Variants in NMI observed in about 807,000 individuals in gnomAD.
NMI encodes N-myc-interactor.
A neutral mutation model predicts 34.3 loss-of-function variants in NMI; 39 were observed. That is an observed-to-expected ratio of 1.14 (90% CI 0.88 to 1.49). The LOEUF (loss-of-function observed/expected upper bound fraction) is 1.49, where lower values mean the gene tolerates loss of function less well. NMI is among the 40% of genes most tolerant of loss of function. The pLI is 0.00. For synonymous variants in NMI, 113 were observed against 120.3 expected (o/e 0.94, Z 0.40); for missense variants, 339 against 358.1 (o/e 0.95, Z 0.43).
chr2:151,285,004 T>C (rs1683469843), intron 1 of NMI, among the ~76,000 whole-genome samples: 1 of 152,214 alleles, frequency 6.6e-6, no homozygotes, highest in African/African-American at 2.4e-5. Context: ...AAACCAGGGC[T>C]CATTGGAGCA....
rs41268703 is a variant in NMI at position 151,270,655 on chromosome 2, C to T, written c.*38G>A. 58,899 of 1,481,664 alleles carry T rather than the reference C, an allele frequency of 0.04. 1,374 individuals carry two copies. Among genetic ancestry groups the T allele is most frequent in the Non-Finnish European group, 0.044 (48,160 of 1,088,678 alleles). The allele number at this position is 1,481,664 out of a possible 1,614,324, so 91.8% of individuals were successfully genotyped here. On this transcript the variant is annotated 3_prime_UTR_variant, in exon 8 of 8. Transcript: ENST00000243346. ...TTTTTGTCAAACATTTACAGTAATC[C>T]GGGTTAAAAAGCTATAGTTTTCATG...
chr2:151,288,711 G>C (rs182691652), intron 1 of NMI, among the ~76,000 whole-genome samples: 1 of 152,120 alleles, frequency 6.6e-6, no homozygotes. Context: ...ATATAACTGC[G>C]GTGCCAGGCC....
chr2:151,285,356 GAGAT>G (rs71403153), intron 1 of NMI, among the ~76,000 whole-genome samples: 65,250 of 147,256 alleles, frequency 0.44, 14,590 homozygotes, highest in Non-Finnish European at 0.47. Context: ...ATTGATGATT[GAGAT>G]AGATAGATAG....
intron 4 of NMI, among the ~76,000 whole-genome samples, chr2:151,276,510 C>T (rs577929286): frequency 6.6e-6 from 1 of 152,288 alleles, no homozygotes; most frequent in Non-Finnish European, 1.5e-5. Flanking sequence ...TACTTCAGCT[C>T]AGCCACATAC....
chr2:151,285,922 G>A lies in NMI; in HGVS notation c.-6-2968C>T, dbSNP rs144462604. Among the ~76,000 whole-genome samples the A allele has an allele frequency of 9.9e-5, 15 of 152,182 alleles. 1 individual carries two copies. The East Asian group carries it at 2.9e-3, about 29-fold the overall frequency. Reference sequence around the variant, plus strand: ...AATCCACCTTGAGATGGTTTTCGGTGGCCAAATCTGGGGATAAATTAAAGA... The same window carrying A: ...AATCCACCTTGAGATGGTTTTCGGTAGCCAAATCTGGGGATAAATTAAAGA... On this transcript the variant is annotated intron_variant, in intron 1 of 7. Transcript: ENST00000243346.
rs1427042899 is a variant in NMI at position 151,285,394 on chromosome 2, GATAGATAGATAA to G, written c.-6-2452_-6-2441del. On this transcript the variant is annotated intron_variant, in intron 1 of 7. Coordinates refer to ENST00000243346, the MANE Select transcript of NMI (RefSeq NM_004688.3). ...AGATAGATAGATAGATAGATAGATAGATAGATAGATAAATAGACAGACAGATAGAAATACCTA... is the reference window on the plus strand; with the variant it reads ...AGATAGATAGATAGATAGATAGATAGATAGACAGACAGATAGAAATACCTA... 1.9e-3 allele frequency among the ~76,000 whole-genome samples: 284 copies of G among 147,928 alleles called. 4 individuals carry two copies. Among genetic ancestry groups the G allele is most frequent in the African/African-American group, 6.7e-3 (263 of 39,470 alleles).
At chr2:151,275,709 A>T (rs1573743068) in intron 5 of NMI, 39 bp from the exon 6 acceptor site, 13 of 1,610,156 alleles carry the variant, frequency 8.1e-6, no homozygotes, top group African/African-American at 8.0e-5. Flanking sequence ...TGGATGAGAG[A>T]AGTGCTTGTG....
intron 1 of NMI, among the ~76,000 whole-genome samples, chr2:151,284,763 T>C (rs1198986160): frequency 6.6e-6 from 1 of 152,242 alleles, no homozygotes; most frequent in Non-Finnish European, 1.5e-5. Context: ...TCTATGTTTT[T>C]AGATACACAT....
At chr2:151,287,293 T>A (rs2105213631) in intron 1 of NMI, among the ~76,000 whole-genome samples, 1 of 146,202 alleles carries the variant, frequency 6.8e-6, no homozygotes, top group East Asian at 2.0e-4. Flanking sequence ...ATATATATAT[T>A]TAAACCACAT....
chr2:151,276,692 A>G (rs368605896), intron 4 of NMI, among the ~76,000 whole-genome samples: 1 of 152,212 alleles, frequency 6.6e-6, no homozygotes, highest in African/African-American at 2.4e-5. Context: ...ATATGTTACA[A>G]GCACTAGAGC....
intron 4 of NMI, among the ~76,000 whole-genome samples, chr2:151,276,300 T>C (rs1299830778): frequency 6.6e-6 from 1 of 152,164 alleles, no homozygotes; most frequent in Non-Finnish European, 1.5e-5. Flanking sequence ...GCAATCCTCC[T>C]GCATCGGACT....
At chr2:151,279,070 T>A (rs1683340883) in intron 3 of NMI, 80 bp from the exon 4 acceptor site, 4 of 902,482 alleles carry the variant, frequency 4.4e-6, no homozygotes, top group South Asian at 3.4e-5. Flanking sequence ...AATTTGGTCA[T>A]CCAATAATTC....
At chr2:151,280,834 G>C (rs1683385318) in intron 3 of NMI, among the ~76,000 whole-genome samples, 1 of 145,602 alleles carries the variant, frequency 6.9e-6, no homozygotes, top group Non-Finnish European at 1.5e-5. Flanking sequence ...GAAACAAGAA[G>C]TGTCAATGCT....
chr2:151,287,338 C>CACACAT (rs1683521287), intron 1 of NMI, among the ~76,000 whole-genome samples: 1 of 151,520 alleles, frequency 6.6e-6, no homozygotes, highest in African/African-American at 2.4e-5. Flanking sequence ...TACACACACA[C>CACACAT]ACACACACAC....
intron 1 of NMI, 143 bp from the exon 2 acceptor site, chr2:151,283,097 T>G (rs1683436136): frequency 4.6e-6 from 2 of 438,520 alleles, no homozygotes; most frequent in East Asian, 7.6e-5. Flanking sequence ...GGCTTTATTA[T>G]CATATGGCTT....
chr2:151,282,793 A>G lies in NMI; in HGVS notation c.81+75T>C, dbSNP rs1239135801. The G allele has an allele frequency of 1.6e-5, 12 of 760,300 alleles. No individual in the cohort carries two copies. The African/African-American group carries it at 1.6e-4, about 10-fold the overall frequency. 47.1% of individuals were successfully genotyped at this position (760,300 alleles called of 1,614,324 possible). On this transcript the variant is annotated intron_variant, in intron 2 of 7. Transcript: ENST00000243346. Reference sequence around the variant, plus strand: ...ATTCAAGGTAATGTTGGACAAAGACATACAAAACATGCCTTACTGCAAAAC... The same window carrying G: ...ATTCAAGGTAATGTTGGACAAAGACGTACAAAACATGCCTTACTGCAAAAC...
Position 151,275,723 on chromosome 2 carries a change from A to T in NMI, c.447+35T>A, listed in dbSNP as rs1283625284. On this transcript the variant is annotated intron_variant, in intron 5 of 7. Coordinates refer to ENST00000243346, the MANE Select transcript of NMI (RefSeq NM_004688.3). The stretch of plus-strand genomic sequence containing the variant: ...ATGGATGAGAGAAGTGCTTGTGATG[A>T]ACAGAAATCCAAAAAATTTTAATCA... 4 of 1,610,182 alleles carry T rather than the reference A, an allele frequency of 2.5e-6. No homozygotes were observed. The African/African-American group carries it at 5.3e-5, about 22-fold the overall frequency.
chr2:151,286,529 T>C (rs1331196809), intron 1 of NMI, among the ~76,000 whole-genome samples: 3 of 152,100 alleles, frequency 2.0e-5, no homozygotes, highest in Admixed American at 6.6e-5. Context: ...CTCCCCCTCC[T>C]CCTCCTCTGT....
At chr2:151,282,341 T>C (rs1261869434) in intron 2 of NMI, among the ~76,000 whole-genome samples, 6 of 152,234 alleles carry the variant, frequency 3.9e-5, no homozygotes, top group Non-Finnish European at 8.8e-5. Context: ...ATCTTCTGAA[T>C]ATTACTTCAG....
Sources: gnomAD v4.1 joint callset for allele counts (sites outside exome capture counted in the v4.1 genomes callset) on GRCh38, gnomAD v4.1.1 for gene constraint, MANE v1.5 for transcripts, NCBI Gene and HGNC (gene_info 2026-07-23, HGNC 2026-07-21) for gene names.